CHST8: variants seen among roughly 807,000 people sequenced by gnomAD.
CHST8 encodes the protein carbohydrate sulfotransferase 8, also known as GALNAC-4-ST1.
CHST8 carries 10 observed loss-of-function variants against 15.0 expected under a neutral mutation model. The ratio of observed to expected loss-of-function variants is 0.67; its 90% confidence interval spans 0.41 to 1.13. The LOEUF is 1.13. CHST8 is among the 50% of genes most tolerant of loss of function. The pLI is 0.00. For missense variants in CHST8, 634 were observed against 608.2 expected (o/e 1.04, Z -0.45); for synonymous variants, 259 against 256.6 (o/e 1.01, Z -0.09).
chr19:33,678,601 G>A (rs1417491207), intron 2 of CHST8, among the ~76,000 whole-genome samples: 1 of 151,990 alleles, frequency 6.6e-6, no homozygotes, highest in East Asian at 1.9e-4. Flanking sequence ...ATTTAACCAG[G>A]CACTGTTAAA....
intron 3 of CHST8, among the ~76,000 whole-genome samples, chr19:33,754,603 CTGG>C (rs2145363676): frequency 6.6e-6 from 1 of 152,356 alleles, no homozygotes; most frequent in East Asian, 1.9e-4. Flanking sequence ...TTTAGCTTGA[CTGG>C]TGGGAACAGT....
chr19:33,712,064 A>G (rs1973563097), intron 3 of CHST8, among the ~76,000 whole-genome samples: 1 of 152,240 alleles, frequency 6.6e-6, no homozygotes, highest in Non-Finnish European at 1.5e-5. Context: ...AGGGAAGACA[A>G]TAAGGATAGT....
In CHST8 at chr19:33,773,309, A is replaced by G. The variant is rs952672636; in HGVS notation, c.*246A>G. On this transcript the variant is annotated 3_prime_UTR_variant, in exon 5 of 5. Transcript: ENST00000650847. ...GAGGGAGAGGCTGAGAACTGGGCAG[A>G]CACCCCTGGAGCTCAGCCGACAGTT... The G allele has an allele frequency of 7.3e-6, 4 of 544,834 alleles. No homozygotes were observed. The highest frequency in any genetic ancestry group is 3.5e-5 in the Admixed American group (1 of 28,350). The allele number at this position is 544,834 out of a possible 1,614,324, so 33.7% of individuals were successfully genotyped here.
intron 1 of CHST8, among the ~76,000 whole-genome samples, chr19:33,648,292 T>G (rs1279691953): frequency 6.6e-6 from 1 of 152,178 alleles, no homozygotes; most frequent in Non-Finnish European, 1.5e-5. Flanking sequence ...TCCATGGTTT[T>G]CAGTATGTTC....
intron 1 of CHST8, among the ~76,000 whole-genome samples, chr19:33,654,119 T>C (rs910725550): frequency 1.3e-5 from 2 of 152,248 alleles, no homozygotes; most frequent in African/African-American, 4.8e-5. Context: ...TACTAATCTG[T>C]TCTGAAATCC....
At chr19:33,734,950 T>C (rs1568347773) in intron 3 of CHST8, among the ~76,000 whole-genome samples, 1 of 152,124 alleles carries the variant, frequency 6.6e-6, no homozygotes, top group Non-Finnish European at 1.5e-5. Flanking sequence ...GATCTCTGTG[T>C]GAGGGTCCTC....
chr19:33,723,566 A>C (rs964945513), intron 3 of CHST8, among the ~76,000 whole-genome samples: 1 of 152,178 alleles, frequency 6.6e-6, no homozygotes, highest in Non-Finnish European at 1.5e-5. Context: ...TGGTGGCTGG[A>C]ACCCTGTGCT....
chr19:33,758,926 G>A (rs1285268614), intron 3 of CHST8, among the ~76,000 whole-genome samples: 1 of 152,058 alleles, frequency 6.6e-6, no homozygotes, highest in Admixed American at 6.6e-5. Flanking sequence ...TCTTGGCGGG[G>A]GGGGGCGGTG....
chr19:33,650,501 C>CTTTTTTTTTTT (rs1209646054), intron 1 of CHST8, among the ~76,000 whole-genome samples: 1 of 50,926 alleles, frequency 2.0e-5, no homozygotes, highest in African/African-American at 7.1e-5. Context: ...TTTTCTTTTT[C>CTTTTTTTTTTT]TTTTTCTTTT....
rs866386383 is a variant in CHST8, at chr19:33,676,168, T to C, written c.-87+8325T>C. ...TCAAGTAAGTTTTTTTAAATGTGCATTGCTTGCCAATTTCAGAATCAGGAA... is the reference window on the plus strand; with the variant it reads ...TCAAGTAAGTTTTTTTAAATGTGCACTGCTTGCCAATTTCAGAATCAGGAA... On this transcript the variant is annotated intron_variant, in intron 2 of 4. Coordinates refer to ENST00000650847, the MANE Select transcript of CHST8 (RefSeq NM_001127895.2). 4.6e-5 allele frequency among the ~76,000 whole-genome samples: 7 copies of C among 152,164 alleles called. No homozygotes were observed. In the South Asian group the frequency reaches 6.2e-4, roughly 14 times the overall value.
chr19:33,688,876 C>G (rs542088404), intron 2 of CHST8, among the ~76,000 whole-genome samples: 3 of 152,254 alleles, frequency 2.0e-5, no homozygotes, highest in African/African-American at 7.2e-5. Context: ...TGGTTACTGA[C>G]TGGGGGCCTG....
intron 3 of CHST8, among the ~76,000 whole-genome samples, chr19:33,695,821 C>CTTTCTTTCTTTCTTTCTTTTTT (rs57718433): frequency 5.2e-5 from 4 of 76,238 alleles, no homozygotes; most frequent in South Asian, 4.8e-4. Context: ...TTCTTTCTTT[C>CTTTCTTTCTTTCTTTCTTTTTT]TTTTTTTTTT....
At chr19:33,766,289 G>A (rs117095115) in intron 3 of CHST8, among the ~76,000 whole-genome samples, 1 of 151,500 alleles carries the variant, frequency 6.6e-6, no homozygotes, top group South Asian at 2.1e-4. Context: ...TGGGCTCTCT[G>A]TCTCTCTGAT....
At chr19:33,752,681 CTGAT>C in intron 3 of CHST8, among the ~76,000 whole-genome samples, 1 of 152,234 alleles carries the variant, frequency 6.6e-6, no homozygotes, top group South Asian at 2.1e-4. Context: ...TGTTTGGACT[CTGAT>C]TGTGGCAATT....
At chr19:33,650,518 CTTTTTT>C (rs869057036) in intron 1 of CHST8, among the ~76,000 whole-genome samples, 2 of 36,108 alleles carry the variant, frequency 5.5e-5, no homozygotes, top group Admixed American at 8.0e-4. Context: ...TTTTTCTTTT[CTTTTTT>C]TTTTTTTTTT....
At chr19:33,629,362 T>C (rs1235828237) in intron 1 of CHST8, among the ~76,000 whole-genome samples, 1 of 152,238 alleles carries the variant, frequency 6.6e-6, no homozygotes, top group Non-Finnish European at 1.5e-5. Context: ...GAATCCTCTC[T>C]TATACCCTTT....
At position 33,695,821 on chromosome 19, in the gene CHST8, C is replaced by CTTTTT. The variant is rs55695414; in HGVS notation, c.130+6447_130+6451dup. Among the ~76,000 whole-genome samples, 118 of 76,220 alleles carry CTTTTT rather than the reference C, an allele frequency of 1.5e-3. 1 individual carries two copies. The highest frequency in any genetic ancestry group is 2.9e-3 in the South Asian group (6 of 2,090). The allele number at this position is 76,220 out of a possible 152,430, so 50.0% of individuals were successfully genotyped here. A position where few individuals can be genotyped will look rare whatever the true frequency, so the allele number is the denominator to read the frequency against. The stretch of plus-strand genomic sequence containing the variant: ...TTTCTTTTTCTTTCTTTCTTTCTTT[C>CTTTTT]TTTTTTTTTTTTTTTTTTTTTGAGA... On this transcript the variant is annotated intron_variant, in intron 3 of 4. Transcript: ENST00000650847.
chr19:33,705,480 C>T (rs1599569265), intron 3 of CHST8, among the ~76,000 whole-genome samples: 1 of 152,206 alleles, frequency 6.6e-6, no homozygotes, highest in Non-Finnish European at 1.5e-5. Context: ...CCTTCATTTA[C>T]GCACAGTTAC....
intron 3 of CHST8, among the ~76,000 whole-genome samples, chr19:33,761,982 G>A (rs1161926459): frequency 1.3e-5 from 2 of 152,284 alleles, no homozygotes; most frequent in South Asian, 2.1e-4. Context: ...CCCACCCAGG[G>A]CACGCTACAT....
Sources: allele counts gnomAD v4.1 joint callset (sites outside exome capture counted in the v4.1 genomes callset), GRCh38; gene constraint gnomAD v4.1.1; transcripts MANE v1.5; gene names NCBI Gene and HGNC (gene_info 2026-07-23, HGNC 2026-07-21).